The following TNS3 variants were observed in gnomAD, a reference collection of about 807,000 sequenced individuals.
TNS3 encodes the protein tensin 3, also known as tensin-3.
TNS3 carries 45 observed loss-of-function variants against 140.9 expected under a neutral mutation model. The ratio of observed to expected loss-of-function variants is 0.32; its 90% CI spans 0.25 to 0.41. TNS3 has a LOEUF of 0.41. TNS3 is among the 10% of genes least tolerant of loss of function. The pLI, the probability that TNS3 is intolerant of heterozygous loss-of-function variation, is 1.00. For synonymous variants in TNS3, 815 were observed against 788.4 expected (o/e 1.03, Z -0.56); for missense variants, 1,716 against 1,906.7 (o/e 0.90, Z 1.86).
chr7:47,562,907 G>C (rs1161019674), intron 1 of TNS3, among the ~76,000 whole-genome samples: 1 of 152,222 alleles, frequency 6.6e-6, no homozygotes, highest in East Asian at 1.9e-4. Context: ...AAGGCACACG[G>C]AAGATGGGTT....
intron 3 of TNS3, among the ~76,000 whole-genome samples, chr7:47,506,176 GA>G (rs1798410879): frequency 1.3e-5 from 2 of 152,144 alleles, no homozygotes; most frequent in South Asian, 4.1e-4. Context: ...CTGACACCCC[GA>G]CTGCAGACCC....
intron 16 of TNS3, among the ~76,000 whole-genome samples, chr7:47,387,089 G>C (rs1278441998): frequency 2.0e-5 from 3 of 152,240 alleles, no homozygotes; most frequent in Admixed American, 1.3e-4. Flanking sequence ...TTAACATCAA[G>C]TAGCTTGCTT....
At position 47,277,356 on chromosome 7, in the gene TNS3, C is replaced by A. The variant is rs1439212757; in HGVS notation, c.*720G>T. 6.6e-6 allele frequency: 1 copy of A among 152,156 alleles called. No homozygotes were observed. Among genetic ancestry groups the A allele is most frequent in the East Asian group, 1.9e-4 (1 of 5,168 alleles). 9.4% of individuals were successfully genotyped at this position (152,156 alleles called of 1,614,324 possible). On this transcript the variant is annotated 3_prime_UTR_variant, in exon 31 of 31. Transcript: ENST00000311160. ...CTCGGTCCTCACAGGCTCTCCCCAG[C>A]CCAGCTCGCCCAGCTCGCCCAGCTC...
At chr7:47,448,671 G>A (rs1468525757) in intron 4 of TNS3, among the ~76,000 whole-genome samples, 2 of 151,946 alleles carry the variant, frequency 1.3e-5, no homozygotes, top group Non-Finnish European at 2.9e-5. Context: ...GTAGAGACAG[G>A]GCTTCACCAT....
At chr7:47,500,367 A>C (rs1006058724) in intron 3 of TNS3, among the ~76,000 whole-genome samples, 1 of 152,254 alleles carries the variant, frequency 6.6e-6, no homozygotes, top group Admixed American at 6.5e-5. Context: ...GACGGCAGAG[A>C]GAGGCAGAGC....
intron 20 of TNS3, among the ~76,000 whole-genome samples, chr7:47,328,335 C>T (rs911377589): frequency 6.6e-6 from 1 of 152,204 alleles, no homozygotes; most frequent in African/African-American, 2.4e-5. Flanking sequence ...CTCACTGCTG[C>T]GGTTTGCTTC....
intron 23 of TNS3, 29 bp from the exon 24 acceptor site, chr7:47,297,242 G>A: frequency 1.9e-6 from 3 of 1,592,138 alleles, no homozygotes; most frequent in Non-Finnish European, 2.6e-6. Flanking sequence ...AAGACAAGAA[G>A]GTCTGCCGGG....
intron 1 of TNS3, among the ~76,000 whole-genome samples, chr7:47,551,227 C>G (rs767080463): frequency 6.6e-6 from 1 of 152,200 alleles, no homozygotes; most frequent in East Asian, 1.9e-4. Context: ...CCTGAGCTCC[C>G]GGGCAGAAGG....
At chr7:47,437,678 C>A (rs1055087368) in intron 6 of TNS3, among the ~76,000 whole-genome samples, 1 of 149,032 alleles carries the variant, frequency 6.7e-6, no homozygotes, top group Non-Finnish European at 1.5e-5. Flanking sequence ...AGTATTAAAC[C>A]AGGCGATTTA....
In TNS3 at chr7:47,400,544, T is replaced by C. The variant is rs1422484485; in HGVS notation, c.854-86A>G. 2.5e-5 allele frequency: 34 copies of C among 1,386,854 alleles called. No homozygotes were observed. The Admixed American group carries it at 6.0e-4, about 25-fold the overall frequency. The allele number at this position is 1,386,854 out of a possible 1,614,324, so 85.9% of individuals were successfully genotyped here. On this transcript the variant is annotated intron_variant, in intron 14 of 30. Transcript: ENST00000311160. ...TGACTTTGTCCTTTATTCCAACCAG[T>C]ACAGCACCACTCCCAAATCTGCAAT...
At chr7:47,319,514 G>A (rs1787606365) in intron 20 of TNS3, among the ~76,000 whole-genome samples, 1 of 152,142 alleles carries the variant, frequency 6.6e-6, no homozygotes, top group Non-Finnish European at 1.5e-5. Context: ...CATGAGGACA[G>A]CACCAAGCCC....
intron 24 of TNS3, among the ~76,000 whole-genome samples, chr7:47,296,702 C>A (rs1419968064): frequency 6.6e-6 from 1 of 152,092 alleles, no homozygotes; most frequent in Admixed American, 6.5e-5. Flanking sequence ...AATGTGTTTG[C>A]CTGCATTTGG....
At chr7:47,462,967 T>A (rs991733685) in intron 4 of TNS3, among the ~76,000 whole-genome samples, 2 of 152,192 alleles carry the variant, frequency 1.3e-5, no homozygotes, top group African/African-American at 4.8e-5. Flanking sequence ...ACAATGAGGC[T>A]GTCCTACAAT....
chr7:47,477,943 C>A (rs1018146653), intron 4 of TNS3, among the ~76,000 whole-genome samples: 6 of 152,138 alleles, frequency 3.9e-5, no homozygotes, highest in African/African-American at 1.4e-4. Context: ...GTCCATCCTT[C>A]CATTTACTCC....
Position 47,396,822 on chromosome 7 carries a change from C to T in TNS3, c.1002G>A (p.Glu334=), listed in dbSNP as rs1253739824. The change falls in exon 16 of 31, where the codon GAG becomes GAA. Residue 334 remains glutamate, a synonymous_variant. Coordinates refer to ENST00000311160, the MANE Select transcript of TNS3 (RefSeq NM_022748.12). ...CACCTTCTCCATCTGCACTGAGGTTCTCGTACGAGTCCCAGCGTATCAGTG... is the reference window on the plus strand; with the variant it reads ...CACCTTCTCCATCTGCACTGAGGTTTTCGTACGAGTCCCAGCGTATCAGTG... ...TDPLIRWDSY[E]NLSADGEVLH... The T allele has an allele frequency of 6.2e-7, 1 of 1,614,190 alleles. No individual in the cohort carries two copies. Among genetic ancestry groups the T allele is most frequent in the Non-Finnish European group, 8.5e-7 (1 of 1,179,986 alleles).
chr7:47,370,388 A>AAG (rs1341231754), intron 16 of TNS3, among the ~76,000 whole-genome samples: 6 of 152,242 alleles, frequency 3.9e-5, no homozygotes, highest in Non-Finnish European at 1.5e-5. Context: ...TTGGCACAGC[A>AAG]ACTTTGGGCC....
chr7:47,348,283 G>C (rs1270756031), intron 17 of TNS3, among the ~76,000 whole-genome samples: 1 of 152,216 alleles, frequency 6.6e-6, no homozygotes, highest in Non-Finnish European at 1.5e-5. Flanking sequence ...AAGTGACTGA[G>C]AGCCTGGTCC....
intron 12 of TNS3, among the ~76,000 whole-genome samples, chr7:47,412,019 C>T (rs568061381): frequency 1.0e-3 from 153 of 152,264 alleles, no homozygotes; most frequent in African/African-American, 3.5e-3. Context: ...TGGTCAGTGA[C>T]TGACTTGAAG....
intron 21 of TNS3, 31 bp downstream of exon 21, chr7:47,304,801 T>C: frequency 2.2e-6 from 3 of 1,345,774 alleles, no homozygotes; most frequent in Non-Finnish European, 1.9e-6. Context: ...TAAGGGGAAC[T>C]TGTGCCAAGT....
Sources: gnomAD v4.1 joint callset for allele counts (sites outside exome capture counted in the v4.1 genomes callset) on GRCh38, gnomAD v4.1.1 for gene constraint, MANE v1.5 for transcripts, NCBI Gene and HGNC (gene_info 2026-07-23, HGNC 2026-07-21) for gene names.